Variants in CPVL observed in about 807,000 individuals in gnomAD.
CPVL encodes probable serine carboxypeptidase CPVL.
In CPVL, 51 loss-of-function variants were observed where a neutral mutation model predicts 63.7. The ratio of observed to expected loss-of-function variants is 0.80; its 90% CI spans 0.64 to 1.01. The LOEUF is 1.01. Ranked by LOEUF, CPVL falls within the 50% of genes least tolerant of loss-of-function variation. The pLI is 0.00. For synonymous variants in CPVL, 195 were observed against 206.0 expected, an observed-to-expected ratio of 0.95 and a Z score of 0.46; for missense variants, 530 against 573.1, an observed-to-expected ratio of 0.92 and a Z score of 0.77.
intron 5 of CPVL, among the ~76,000 whole-genome samples, chr7:29,165,444 T>C (rs1795786821): frequency 6.6e-6 from 1 of 152,218 alleles, no homozygotes; most frequent in Non-Finnish European, 1.5e-5. Context: ...CTTAGATTTT[T>C]TTTAAATCAC....
At chr7:29,189,824 C>T (rs1466049873) in intron 1 of CPVL, among the ~76,000 whole-genome samples, 1 of 152,160 alleles carries the variant, frequency 6.6e-6, no homozygotes, top group Non-Finnish European at 1.5e-5. Flanking sequence ...AGGCAATACC[C>T]CCAAGCCCCC....
At chr7:29,079,174 G>C (rs1369389601) in intron 7 of CPVL, among the ~76,000 whole-genome samples, 2 of 152,202 alleles carry the variant, frequency 1.3e-5, no homozygotes, top group Non-Finnish European at 1.5e-5. Context: ...TTTTCTGTTT[G>C]TGTAAGGTTA....
intron 6 of CPVL, among the ~76,000 whole-genome samples, chr7:29,089,220 A>T (rs1408004354): frequency 1.3e-5 from 2 of 152,148 alleles, no homozygotes; most frequent in African/African-American, 4.8e-5. Flanking sequence ...ACTAGGAGAA[A>T]ATTATTCCTC....
chr7:29,031,549 T>C (rs1254057515), intron 11 of CPVL, among the ~76,000 whole-genome samples: 1 of 152,210 alleles, frequency 6.6e-6, no homozygotes, highest in African/African-American at 2.4e-5. Flanking sequence ...CAGTATAAAA[T>C]GGCTCTTCTT....
chr7:29,172,697 G>T (rs1796758141), intron 5 of CPVL, among the ~76,000 whole-genome samples: 1 of 151,914 alleles, frequency 6.6e-6, no homozygotes, highest in Non-Finnish European at 1.5e-5. Flanking sequence ...TTGACATACA[G>T]TCATCTGACC....
intron 9 of CPVL, among the ~76,000 whole-genome samples, chr7:29,070,682 G>T (rs1215426892): frequency 6.6e-6 from 1 of 152,176 alleles, no homozygotes; most frequent in Admixed American, 6.5e-5. Flanking sequence ...GAGCTCTGTA[G>T]GATGGCTCAG....
chr7:29,037,222 G>T (rs567881615), intron 11 of CPVL, among the ~76,000 whole-genome samples: 1 of 152,184 alleles, frequency 6.6e-6, no homozygotes, highest in Admixed American at 6.5e-5. Flanking sequence ...AGCCCATCTA[G>T]AGCTCAGTTT....
rs552613733 is a variant in CPVL, at chr7:29,172,327, A to G, written c.-11+8963T>C. On this transcript the variant is annotated intron_variant, in intron 5 of 16. Coordinates refer to the CPVL transcript ENST00000409850. ...GACTGGTCTCATCCAGTTGACCAAC[A>G]TTCTGCTTCAGGAACATTGTGACTT... Among the ~76,000 whole-genome samples the G allele has an allele frequency of 2.6e-5, 4 of 152,312 alleles. 1 individual carries two copies. The South Asian group carries it at 8.3e-4, about 32-fold the overall frequency.
intron 12 of CPVL, chr7:29,011,391 T>C (rs1785814859): frequency 6.6e-6 from 1 of 152,310 alleles, no homozygotes; most frequent in Non-Finnish European, 1.5e-5. Flanking sequence ...CTGAACAGCA[T>C]GGCAAGACCC....
At chr7:29,057,739 T>G (rs1790881835) in intron 11 of CPVL, among the ~76,000 whole-genome samples, 1 of 152,222 alleles carries the variant, frequency 6.6e-6, no homozygotes, top group African/African-American at 2.4e-5. Context: ...CATTTGTTCC[T>G]GCACCATTTG....
At chr7:29,004,927 C>T (rs1283613460) in intron 12 of CPVL, among the ~76,000 whole-genome samples, 4 of 142,066 alleles carry the variant, frequency 2.8e-5, no homozygotes, top group Admixed American at 7.5e-5. Context: ...GACAGGGTCT[C>T]ACTCTGTGGC....
rs1325473071 is a variant in CPVL at position 29,086,397 on chromosome 7, T to A, written c.609+87A>T. On this transcript the variant is annotated intron_variant, in intron 7 of 12. Transcript: ENST00000265394. ...GTATGTGTACATGTATATACATATA[T>A]AGATTTTAAATGAACAAACTACACT... The A allele has an allele frequency of 5.4e-6, 5 of 928,818 alleles. No individual in the cohort carries two copies. In the Admixed American group the frequency reaches 9.3e-5, roughly 17 times the overall value. 57.5% of individuals were successfully genotyped at this position (928,818 alleles called of 1,614,324 possible). A position where few individuals can be genotyped will look rare whatever the true frequency, so the allele number is the denominator to read the frequency against.
At chr7:29,120,651 T>G (rs1789268898) in intron 2 of CPVL, among the ~76,000 whole-genome samples, 1 of 151,236 alleles carries the variant, frequency 6.6e-6, no homozygotes, top group Non-Finnish European at 1.5e-5. Flanking sequence ...GTGAAACCCC[T>G]CTCTACTAAA....
chr7:29,088,914 G>A (rs923820380), intron 6 of CPVL, among the ~76,000 whole-genome samples: 1 of 152,158 alleles, frequency 6.6e-6, no homozygotes, highest in African/African-American at 2.4e-5. Flanking sequence ...GGCAGAGGTG[G>A]CAGTGAGCCG....
intron 1 of CPVL, among the ~76,000 whole-genome samples, chr7:29,190,934 T>C (rs1782807154): frequency 6.6e-6 from 1 of 151,356 alleles, no homozygotes; most frequent in South Asian, 2.1e-4. Context: ...GCCCCCACCA[T>C]GCTTTTTTTT....
At chr7:29,124,950 G>A (rs1049044632) in intron 1 of CPVL, 3 of 152,054 alleles carry the variant, frequency 2.0e-5, no homozygotes, top group African/African-American at 7.2e-5. Context: ...CTAGGAATAA[G>A]GTTCTATTTG....
upstream of CPVL, chr7:29,146,697 G>T: frequency 6.4e-7 from 1 of 1,550,636 alleles, no homozygotes; most frequent in Non-Finnish European, 8.7e-7. Flanking sequence ...AGCAGCCCCA[G>T]GGTGGAATCT....
intron 11 of CPVL, among the ~76,000 whole-genome samples, chr7:29,054,354 T>A (rs1157980297): frequency 6.6e-6 from 1 of 152,180 alleles, no homozygotes; most frequent in Non-Finnish European, 1.5e-5. Context: ...CTTGAAATAA[T>A]TTTTTTGTTA....
Position 29,172,649 on chromosome 7 carries a change from C to CT in CPVL, c.-11+8640dup, listed in dbSNP as rs551337528. On this transcript the variant is annotated intron_variant, in intron 5 of 16. Coordinates refer to the CPVL transcript ENST00000409850. The stretch of plus-strand genomic sequence containing the variant: ...GTCCATCTTTGACATTAACAGATTC[C>CT]TTTTTTTAAATATTAATTTCATATT... 1.7e-4 allele frequency among the ~76,000 whole-genome samples: 26 copies of CT among 152,178 alleles called. No individual in the cohort carries two copies. The South Asian group carries it at 5.4e-3, about 32-fold the overall frequency.
Sources: gnomAD v4.1 joint callset for allele counts (sites outside exome capture counted in the v4.1 genomes callset) on GRCh38, gnomAD v4.1.1 for gene constraint, MANE v1.5 for transcripts, NCBI Gene and HGNC (gene_info 2026-07-23, HGNC 2026-07-21) for gene names.